COG5: variants seen among roughly 807,000 people sequenced by gnomAD.
COG5 encodes the protein component of oligomeric golgi complex 5, also known as conserved oligomeric Golgi complex subunit 5.
In COG5, 86 loss-of-function variants were observed where a neutral mutation model predicts 110.4. The observed-to-expected ratio is 0.78, with a 90% CI of 0.65 to 0.93. The LOEUF is 0.93. Among genes scored for constraint, COG5 ranks in the 40% least tolerant of loss-of-function variants. The pLI, the probability that COG5 is intolerant of heterozygous loss-of-function variation, is 0.00. For synonymous variants in COG5, 360 were observed against 334.6 expected, an observed-to-expected ratio of 1.08 and a Z score of -0.83; for missense variants, 1,077 against 987.0, an observed-to-expected ratio of 1.09 and a Z score of -1.22.
At chr7:107,446,077 T>C (rs1178717188) in intron 6 of COG5, among the ~76,000 whole-genome samples, 1 of 152,180 alleles carries the variant, frequency 6.6e-6, no homozygotes, top group Non-Finnish European at 1.5e-5. Context: ...CATATTCACA[T>C]GATATGACAA....
intron 14 of COG5, among the ~76,000 whole-genome samples, chr7:107,262,464 G>A (rs927284539): frequency 9.9e-5 from 15 of 152,118 alleles, no homozygotes; most frequent in Admixed American, 8.5e-4. Context: ...GAGAGCAAGC[G>A]GGGCAGGGTA....
chr7:107,262,729 T>C (rs1803458156), intron 14 of COG5, among the ~76,000 whole-genome samples: 2 of 152,118 alleles, frequency 1.3e-5, no homozygotes, highest in South Asian at 2.1e-4. Context: ...CCCTCCTCCT[T>C]ATTCTCAGTT....
At chr7:107,318,549 A>G (rs571237231) in intron 11 of COG5, among the ~76,000 whole-genome samples, 2 of 152,296 alleles carry the variant, frequency 1.3e-5, no homozygotes, top group South Asian at 4.1e-4. Context: ...TTTGGCTTAA[A>G]CAGCAAAAAT....
chr7:107,541,987 T>A (rs1231576944), intron 5 of COG5, among the ~76,000 whole-genome samples: 3 of 151,156 alleles, frequency 2.0e-5, no homozygotes, highest in East Asian at 1.9e-4. Context: ...AACAGCAGAT[T>A]ACATACTTAA....
intron 7 of COG5, among the ~76,000 whole-genome samples, chr7:107,403,286 T>C (rs1791572458): frequency 6.6e-6 from 1 of 152,132 alleles, no homozygotes; most frequent in African/African-American, 2.4e-5. Flanking sequence ...CAAGAGAAAT[T>C]TATTTTTTGC....
At chr7:107,210,292 G>T in intron 21 of COG5, 2 of 1,414,944 alleles carry the variant, frequency 1.4e-6, no homozygotes, top group South Asian at 3.1e-5. Flanking sequence ...TGGGACACAG[G>T]ATTGCACATC....
At position 107,511,398 on chromosome 7, in the gene COG5, A is replaced by C. The variant is rs546608227; in HGVS notation, c.538+15839T>G. Reference sequence around the variant, plus strand: ...TAACAGACTCTGAAATTGTGGCAATAATCAATAGCTTACCAACCAAAAAAA... The same window carrying C: ...TAACAGACTCTGAAATTGTGGCAATCATCAATAGCTTACCAACCAAAAAAA... On this transcript the variant is annotated intron_variant, in intron 6 of 21. Coordinates refer to ENST00000297135, the MANE Select transcript of COG5 (RefSeq NM_006348.5). Among the ~76,000 whole-genome samples the C allele has an allele frequency of 1.1e-4, 17 of 152,320 alleles. No homozygotes were observed. In the East Asian group the frequency reaches 3.3e-3, roughly 29 times the overall value.
chr7:107,222,396 G>T (rs577196612), intron 19 of COG5, among the ~76,000 whole-genome samples: 1 of 152,282 alleles, frequency 6.6e-6, no homozygotes, highest in South Asian at 2.1e-4. Flanking sequence ...AGTAGAGACA[G>T]GATTTCACTA....
At chr7:107,312,816 T>A (rs1398612219) in intron 11 of COG5, among the ~76,000 whole-genome samples, 7 of 123,048 alleles carry the variant, frequency 5.7e-5, no homozygotes, top group Non-Finnish European at 1.2e-4. Context: ...TTAAAAAAAT[T>A]CATGCTTGGC....
chr7:107,334,820 T>C (rs1311622994), intron 10 of COG5, among the ~76,000 whole-genome samples: 2 of 151,354 alleles, frequency 1.3e-5, no homozygotes, highest in Admixed American at 1.3e-4. Flanking sequence ...AACAAAAACA[T>C]CTGAAGGTAT....
chr7:107,342,152 T>G (rs1405536354), intron 10 of COG5, among the ~76,000 whole-genome samples: 1 of 152,036 alleles, frequency 6.6e-6, no homozygotes, highest in East Asian at 1.9e-4. Context: ...ATCCAGAATC[T>G]GTAAGGAACT....
intron 8 of COG5, among the ~76,000 whole-genome samples, chr7:107,364,068 G>A (rs1301155614): frequency 2.6e-5 from 4 of 152,046 alleles, no homozygotes; most frequent in Non-Finnish European, 4.4e-5. Flanking sequence ...GGAGCACTCT[G>A]GCATATGCCA....
intron 6 of COG5, among the ~76,000 whole-genome samples, chr7:107,459,201 G>C (rs1795844306): frequency 6.6e-6 from 1 of 151,826 alleles, no homozygotes; most frequent in African/African-American, 2.4e-5. Context: ...ATTATCAACA[G>C]AAAATACACC....
intron 6 of COG5, among the ~76,000 whole-genome samples, chr7:107,481,324 C>G (rs897213296): frequency 6.6e-6 from 1 of 152,036 alleles, no homozygotes; most frequent in Non-Finnish European, 1.5e-5. Flanking sequence ...TTCCCTCAGA[C>G]AGCTGTGGAC....
intron 6 of COG5, among the ~76,000 whole-genome samples, chr7:107,484,123 C>T (rs1307793990): frequency 1.3e-5 from 2 of 151,884 alleles, no homozygotes; most frequent in African/African-American, 4.8e-5. Flanking sequence ...ACTAGGTTGC[C>T]CAGGCTGGCC....
At chr7:107,372,983 C>T (rs1814316258) in intron 7 of COG5, among the ~76,000 whole-genome samples, 1 of 151,586 alleles carries the variant, frequency 6.6e-6, no homozygotes, top group Admixed American at 6.6e-5. Context: ...TATTATTTTC[C>T]CCCTTACCAT....
chr7:107,466,645 A>G (rs974901627), intron 6 of COG5, among the ~76,000 whole-genome samples: 2 of 152,102 alleles, frequency 1.3e-5, no homozygotes, highest in African/African-American at 4.8e-5. Context: ...GTCCATTTCT[A>G]TTTTTCTGAT....
At chr7:107,379,443 G>A (rs1052851884) in intron 7 of COG5, among the ~76,000 whole-genome samples, 5 of 151,994 alleles carry the variant, frequency 3.3e-5, no homozygotes, top group Non-Finnish European at 5.9e-5. Flanking sequence ...AAAGTAAATG[G>A]GCTAAATGCC....
rs1017816363 is a variant in COG5, at chr7:107,501,991, A to C, written c.538+25246T>G. Among the ~76,000 whole-genome samples, 11 of 152,136 alleles carry C rather than the reference A, an allele frequency of 7.2e-5. No homozygotes were observed. In the East Asian group the frequency reaches 1.9e-3, roughly 27 times the overall value. ...TCAGACTCACAATAAAGGGAAAACG[A>C]GAAACAGTTTCATGGTATTTTTTTC... On this transcript the variant is annotated intron_variant, in intron 6 of 21. Coordinates refer to ENST00000297135, the MANE Select transcript of COG5 (RefSeq NM_006348.5).
Sources: allele counts gnomAD v4.1 joint callset (sites outside exome capture counted in the v4.1 genomes callset), GRCh38; gene constraint gnomAD v4.1.1; transcripts MANE v1.5; gene names NCBI Gene and HGNC (gene_info 2026-07-23, HGNC 2026-07-21).